The following LONRF2 variants were observed in gnomAD, a reference collection of about 807,000 sequenced individuals.
LONRF2 encodes the protein LON peptidase N-terminal domain and ring finger 2.
Under a neutral mutation model 66.6 loss-of-function variants are expected in LONRF2, and 35 were observed. That is an observed-to-expected ratio of 0.53 (90% confidence interval 0.40 to 0.70). LONRF2 has a LOEUF of 0.70. LONRF2 is among the 30% of genes least tolerant of loss of function. The pLI is 0.00. For synonymous variants in LONRF2, 417 were observed against 418.1 expected, an observed-to-expected ratio of 1.00 and a Z score of 0.03; for missense variants, 902 against 1,002.1, an observed-to-expected ratio of 0.90 and a Z score of 1.35.
rs1376011606 is a variant in LONRF2, at chr2:100,283,360, G to GT, written c.*937dup. ...ACCATGGCATGGCAGATTTTTTAAT[G>GT]TTTTTGTATATTAATAAATGGATAG... On this transcript the variant is annotated 3_prime_UTR_variant, in exon 12 of 12. Transcript: ENST00000393437. 3 of 152,102 alleles carry GT rather than the reference G, an allele frequency of 2.0e-5. No homozygotes were observed. The highest frequency in any genetic ancestry group is 7.2e-5 in the African/African-American group (3 of 41,420). 9.4% of individuals were successfully genotyped at this position (152,102 alleles called of 1,614,324 possible).
chr2:100,293,133 T>C (rs1357004488), intron 9 of LONRF2, among the ~76,000 whole-genome samples: 3 of 152,210 alleles, frequency 2.0e-5, no homozygotes, highest in Admixed American at 1.3e-4. Context: ...AGCAAGTCCA[T>C]GAAGAAGCTT....
Position 100,322,042 on chromosome 2 carries a change from C to A in LONRF2, c.52G>T (p.Asp18Tyr). The A allele has an allele frequency of 1.5e-6, 2 of 1,347,546 alleles. No individual in the cohort carries two copies. Among genetic ancestry groups the A allele is most frequent in the South Asian group, 1.8e-5 (1 of 57,042 alleles). 83.5% of individuals were successfully genotyped at this position (1,347,546 alleles called of 1,614,324 possible). Residue 18 changes from aspartate to tyrosine, a missense_variant, in exon 1 of 12, where the codon GAC becomes TAC. Asp to Tyr is a radical substitution (Grantham distance 160). Transcript: ENST00000393437. ...CGCTGGGCGATCGGCTCCGCGCGGT[C>A]GCAGCCAGGACACTGGGGCGGCGGC... ...PPPPPQCPGCDRAEPIAQRLE... is the reference protein window; with the variant it reads ...PPPPPQCPGCYRAEPIAQRLE...
In LONRF2 at chr2:100,276,651, C is replaced by A. The variant is rs6542924; in HGVS notation, c.*7647G>T. ...TCCTATCCTTAAACCTGGAAAAAAA[C>A]AAGTGTGCCTCATGGTGGATTACTA... On this transcript the variant is annotated 3_prime_UTR_variant, in exon 12 of 12. Transcript: ENST00000393437. 0.77 allele frequency: 117,254 copies of A among 151,816 alleles called. 46,156 individuals carry two copies. The highest frequency in any genetic ancestry group is 0.96 in the East Asian group (4,980 of 5,172). The allele number at this position is 151,816 out of a possible 1,614,324, so 9.4% of individuals were successfully genotyped here.
At chr2:100,307,947 TTTTTAGGGAAGCAAACAA>T (rs1180373695) in intron 2 of LONRF2, among the ~76,000 whole-genome samples, 8 of 152,020 alleles carry the variant, frequency 5.3e-5, no homozygotes, top group African/African-American at 1.7e-4. Context: ...CTAAACTTTT[TTTTTAGGGAAGCAAACAA>T]GCAACAAAAT....
At chr2:100,300,010 G>GC in intron 4 of LONRF2, 92 bp from the exon 5 acceptor site, 12 of 361,134 alleles carry the variant, frequency 3.3e-5, no homozygotes, top group South Asian at 5.4e-5. Flanking sequence ...GAAATCTTTG[G>GC]AAAAAAAAAG....
At chr2:100,316,631 C>T (rs1293115786) in intron 1 of LONRF2, among the ~76,000 whole-genome samples, 5 of 152,232 alleles carry the variant, frequency 3.3e-5, no homozygotes, top group African/African-American at 7.2e-5. Flanking sequence ...CCAACTCCAA[C>T]GCTCTGCCTA....
rs543945911 is a variant in LONRF2 at position 100,292,623 on chromosome 2, C to T, written c.1757+1606G>A. Among the ~76,000 whole-genome samples the T allele has an allele frequency of 3.9e-5, 6 of 152,152 alleles. No individual in the cohort carries two copies. The South Asian group carries it at 6.2e-4, about 16-fold the overall frequency. ...TTCAGTGTTCTATATTCTCAGTGCACGTGGAACTCTTATAGCTTATTTTTT... is the reference window on the plus strand; with the variant it reads ...TTCAGTGTTCTATATTCTCAGTGCATGTGGAACTCTTATAGCTTATTTTTT... On this transcript the variant is annotated intron_variant, in intron 9 of 11. Coordinates refer to ENST00000393437, the MANE Select transcript of LONRF2 (RefSeq NM_198461.4).
rs762726068 is a variant in LONRF2, at chr2:100,294,339, C to T, written c.1647G>A (p.Thr549=). The change falls in exon 9 of 12, where the codon ACG becomes ACA. Residue 549 remains threonine, a synonymous_variant. Transcript: ENST00000393437. ...PIFVCAMAFP[T]VPCPLHVFEP... The stretch of plus-strand genomic sequence containing the variant: ...CAAAAACGTGGAGTGGACATGGGAC[C>T]GTGGGGAAGGCCATGGCACACACAA... The T allele has an allele frequency of 5.0e-6, 8 of 1,605,016 alleles. No homozygotes were observed. The highest frequency in any genetic ancestry group is 2.3e-5 in the East Asian group (1 of 44,414).
chr2:100,286,515 T>C (rs1288847779), intron 11 of LONRF2, among the ~76,000 whole-genome samples: 1 of 152,206 alleles, frequency 6.6e-6, no homozygotes. Flanking sequence ...ACAAGAATGA[T>C]GGGATTTTTC....
rs1037681893 is a variant in LONRF2 at position 100,309,112 on chromosome 2, T to C, written c.793A>G (p.Ile265Val). ...SAACQNEPLL[I>V]KGHQVKAQAL... ...AAGCTAACAAATACAAATACCTTAA[T>C]CAAGAGAGGTTCATTCTGACAAGCT... is the stretch of plus-strand genomic sequence containing the variant. Residue 265 changes from isoleucine to valine, a missense_variant, in exon 2 of 12, where the codon ATT becomes GTT. Physicochemically the swap from Ile to Val is conservative, Grantham distance 29. Transcript: ENST00000393437. 6.4e-7 allele frequency: 1 copy of C among 1,571,400 alleles called. No homozygotes were observed. The highest frequency in any genetic ancestry group is 8.6e-7 in the Non-Finnish European group (1 of 1,159,264).
At chr2:100,286,015 T>A (rs190603321) in intron 11 of LONRF2, among the ~76,000 whole-genome samples, 17 of 152,232 alleles carry the variant, frequency 1.1e-4, no homozygotes, top group African/African-American at 3.9e-4. Flanking sequence ...GCTTTCTGAA[T>A]CTGAGTTCCA....
At chr2:100,307,402 A>G (rs1675320522) in intron 2 of LONRF2, among the ~76,000 whole-genome samples, 1 of 152,228 alleles carries the variant, frequency 6.6e-6, no homozygotes, top group African/African-American at 2.4e-5. Flanking sequence ...GTACCTCTGT[A>G]GAAATTAAGT....
At position 100,300,631 on chromosome 2, in the gene LONRF2, A is replaced by T. The variant is rs370940919; in HGVS notation, c.1065+13T>A. The T allele has an allele frequency of 1.9e-6, 3 of 1,592,944 alleles. No individual in the cohort carries two copies. Among genetic ancestry groups the T allele is most frequent in the Non-Finnish European group, 2.6e-6 (3 of 1,174,320 alleles). On this transcript the variant is annotated intron_variant, in intron 4 of 11. Transcript: ENST00000393437. The stretch of plus-strand genomic sequence containing the variant: ...TAATCAAGAGAATCCTGACAAATGC[A>T]TGCACGTCATACCTCCGAGCTCCCT...
chr2:100,322,212 T>A lies in LONRF2; in HGVS notation c.-119A>T. On this transcript the variant is annotated 5_prime_UTR_variant, in exon 1 of 12. Transcript: ENST00000393437. ...CAGCCCTCGCCAGCAGCCACGCGCG[T>A]CTGGGGGCGGCGCGCTGCGAGCGGC... is the stretch of plus-strand genomic sequence containing the variant. 2.0e-6 allele frequency: 2 copies of A among 1,004,268 alleles called. No homozygotes were observed. Among genetic ancestry groups the A allele is most frequent in the East Asian group, 8.3e-5 (2 of 24,228 alleles). The allele number at this position is 1,004,268 out of a possible 1,614,324, so 62.2% of individuals were successfully genotyped here. A position where few individuals can be genotyped will look rare whatever the true frequency, so the allele number is the denominator to read the frequency against.
rs749871950 is a variant in LONRF2, at chr2:100,321,519, G to A, written c.575C>T (p.Pro192Leu). The change falls in exon 1 of 12, where the codon CCG becomes CTG. Residue 192 changes from proline to leucine, a missense_variant. Transcript: ENST00000393437. Reference sequence around the variant, plus strand: ...CAGCCTGCGCAGCCGGCACTCGGCCGGGAAGCACTTCTCCAGCAGGCCGCT... The same window carrying A: ...CAGCCTGCGCAGCCGGCACTCGGCCAGGAAGCACTTCTCCAGCAGGCCGCT... ...VLSGLLEKCFPAECRLRRLAG... is the reference protein window; with the variant it reads ...VLSGLLEKCFLAECRLRRLAG... 2.6e-6 allele frequency: 4 copies of A among 1,550,596 alleles called. No homozygotes were observed. The highest frequency in any genetic ancestry group is 1.9e-5 in the Admixed American group (1 of 54,002).
In LONRF2 at chr2:100,278,850, T is replaced by C. The variant is rs900285744; in HGVS notation, c.*5448A>G. 6.6e-6 allele frequency: 1 copy of C among 152,046 alleles called. No homozygotes were observed. The highest frequency in any genetic ancestry group is 2.4e-5 in the African/African-American group (1 of 41,364). 9.4% of individuals were successfully genotyped at this position (152,046 alleles called of 1,614,324 possible). On this transcript the variant is annotated 3_prime_UTR_variant, in exon 12 of 12. Transcript: ENST00000393437. ...AGGCACAAAGTGGGCACATGACATGTTTGCTGTTCTTCCTTTTAATACTGA... is the reference window on the plus strand; with the variant it reads ...AGGCACAAAGTGGGCACATGACATGCTTGCTGTTCTTCCTTTTAATACTGA...
intron 10 of LONRF2, among the ~76,000 whole-genome samples, chr2:100,288,953 T>C (rs760238629): frequency 3.9e-5 from 6 of 152,256 alleles, no homozygotes; most frequent in Non-Finnish European, 5.9e-5. Flanking sequence ...GTAAGTCTGT[T>C]GGAGAATCTC....
chr2:100,274,385 A>G lies in LONRF2; in HGVS notation c.*9913T>C, dbSNP rs1674557008. 6.6e-6 allele frequency: 1 copy of G among 152,222 alleles called. No homozygotes were observed. The highest frequency in any genetic ancestry group is 1.5e-5 in the Non-Finnish European group (1 of 68,060). The allele number at this position is 152,222 out of a possible 1,614,324, so 9.4% of individuals were successfully genotyped here. On this transcript the variant is annotated 3_prime_UTR_variant, in exon 12 of 12. Transcript: ENST00000393437. ...CAGGCCCGCCCCTCTCTAGAGGAAA[A>G]ACCTACTCATTTGAGACTACAAACC...
In LONRF2 at chr2:100,282,543, T is replaced by C. The variant is rs1371251715; in HGVS notation, c.*1755A>G. On this transcript the variant is annotated 3_prime_UTR_variant, in exon 12 of 12. Transcript: ENST00000393437. ...GTTTTCTTTATTTTATTCCAATCAA[T>C]GAATGATTCAGTTATTCCAATCAAA... 1 of 152,258 alleles carries C rather than the reference T, an allele frequency of 6.6e-6. No homozygotes were observed. Among genetic ancestry groups the C allele is most frequent in the Admixed American group, 6.5e-5 (1 of 15,286 alleles). 9.4% of individuals were successfully genotyped at this position (152,258 alleles called of 1,614,324 possible). A position where few individuals can be genotyped will look rare whatever the true frequency, so the allele number is the denominator to read the frequency against.
Sources: gnomAD v4.1 joint callset for allele counts (sites outside exome capture counted in the v4.1 genomes callset) on GRCh38, gnomAD v4.1.1 for gene constraint, MANE v1.5 for transcripts, NCBI Gene and HGNC (gene_info 2026-07-23, HGNC 2026-07-21) for gene names.